The following PIEZO1 variants were observed in gnomAD, a reference collection of about 807,000 sequenced individuals.
PIEZO1 encodes piezo type mechanosensitive ion channel component 1 (Er blood group), also known as piezo-type mechanosensitive ion channel component 1.
PIEZO1 carries 296 observed loss-of-function variants against 297.2 expected under a neutral mutation model. The ratio of observed to expected loss-of-function variants is 1.00; its 90% confidence interval spans 0.91 to 1.10. The LOEUF (loss-of-function observed/expected upper bound fraction) is 1.10. Ranked by LOEUF, PIEZO1 falls within the 50% of genes least tolerant of loss-of-function variation. PIEZO1 has a pLI of 0.00. For missense variants in PIEZO1, 5,018 were observed against 3,455.5 expected (o/e 1.45, Z -11.34); for synonymous variants, 2,427 against 1,507.5 (o/e 1.61, Z -14.13).
chr16:88,736,131 T>G lies in PIEZO1; in HGVS notation c.1557+17A>C, dbSNP rs1233362512. 1.3e-6 allele frequency: 2 copies of G among 1,531,282 alleles called. No individual in the cohort carries two copies. The highest frequency in any genetic ancestry group is 2.4e-5 in the South Asian group (2 of 83,166). The allele number at this position is 1,531,282 out of a possible 1,614,324, so 94.9% of individuals were successfully genotyped here. On this transcript the variant is annotated intron_variant, in intron 12 of 50. Coordinates refer to ENST00000301015, the MANE Select transcript of PIEZO1 (RefSeq NM_001142864.4). The stretch of plus-strand genomic sequence containing the variant: ...CTGCGCACCCAGGCACCCCCGGATG[T>G]GGTGGTGCACACTCACCATGGCACC...
At position 88,717,257 on chromosome 16, in the gene PIEZO1, G is replaced by C. The variant is rs8061820; in HGVS notation, c.6472-46C>G. ...TCATACGCTCAGCTCTGCCCTTCCT[G>C]CGGGTCACACAACCGCATTCTCCAG... On this transcript the variant is annotated intron_variant, in intron 44 of 50. Transcript: ENST00000301015. The C allele has an allele frequency of 6.0e-6, 9 of 1,509,338 alleles. No homozygotes were observed. The African/African-American group carries it at 9.7e-5, about 16-fold the overall frequency. 93.5% of individuals were successfully genotyped at this position (1,509,338 alleles called of 1,614,324 possible).
intron 22 of PIEZO1, among the ~76,000 whole-genome samples, chr16:88,729,834 C>T (rs1467176020): frequency 1.3e-5 from 2 of 150,986 alleles, no homozygotes; most frequent in Non-Finnish European, 2.9e-5. Flanking sequence ...GACCCAAAAA[C>T]AAAGTGACCC....
intron 16 of PIEZO1, 54 bp from the exon 17 acceptor site, chr16:88,734,108 C>T: frequency 6.8e-7 from 1 of 1,468,488 alleles, no homozygotes; most frequent in Non-Finnish European, 9.1e-7. Context: ...CCCCTCATTT[C>T]CTGGGGCTGG....
At chr16:88,763,078 G>C (rs1213050592) in intron 1 of PIEZO1, among the ~76,000 whole-genome samples, 1 of 152,240 alleles carries the variant, frequency 6.6e-6, no homozygotes, top group Non-Finnish European at 1.5e-5. Context: ...ACAGGGTGCA[G>C]GTCCAGGGGT....
chr16:88,730,702 C>G (rs56158123), intron 22 of PIEZO1, among the ~76,000 whole-genome samples: 42,767 of 151,790 alleles, frequency 0.28, 7,223 homozygotes, highest in African/African-American at 0.47. Flanking sequence ...AAAGTGCTGG[C>G]ATCACAGGCG....
chr16:88,742,437 G>A lies in PIEZO1; in HGVS notation c.161-15C>T, dbSNP rs749474558. 1.3e-6 allele frequency: 2 copies of A among 1,533,974 alleles called. No homozygotes were observed. Among genetic ancestry groups the A allele is most frequent in the Admixed American group, 3.9e-5 (2 of 50,834 alleles). ...GCCTGTGTGACCTGCGGCAGAGCGAGTGGGTGAGGCTGGTCCCGGGGACGG... is the reference window on the plus strand; with the variant it reads ...GCCTGTGTGACCTGCGGCAGAGCGAATGGGTGAGGCTGGTCCCGGGGACGG... On this transcript the variant is annotated splice_polypyrimidine_tract_variant and intron_variant, in intron 2 of 50. Transcript: ENST00000301015.
chr16:88,723,073 C>A (rs1555553254), intron 33 of PIEZO1, 22 bp downstream of exon 33: 1 of 1,546,318 alleles, frequency 6.5e-7, no homozygotes, highest in South Asian at 1.2e-5. Flanking sequence ...ACCTCCCACT[C>A]CCCAGCCCCG....
rs192248220 is a variant in PIEZO1 at position 88,734,673 on chromosome 16, G to T, written c.1974C>A (p.Asn658Lys). 13 of 1,550,310 alleles carry T rather than the reference G, an allele frequency of 8.4e-6. No homozygotes were observed. The Admixed American group carries it at 2.5e-4, about 30-fold the overall frequency. ...ACTGCTCGTCGGTGAAGCCAGTGAGGTTGCGCCAGTAGGCAGGGAAGTCCT... is the reference window on the plus strand; with the variant it reads ...ACTGCTCGTCGGTGAAGCCAGTGAGTTTGCGCCAGTAGGCAGGGAAGTCCT... ...QFQDFPAYWR[N>K]LTGFTDEQLG... is the part of the protein sequence containing the mutation. Residue 658 changes from asparagine to lysine, a missense_variant, in exon 15 of 51, where the codon AAC becomes AAA. Coordinates refer to ENST00000301015, the MANE Select transcript of PIEZO1 (RefSeq NM_001142864.4).
In PIEZO1 at chr16:88,724,974, G is replaced by A. The variant is rs78683248; in HGVS notation, c.4234+35C>T. ...GGACAGATGGGGGCACAGAGGGCCTGAGAGGGTGGCCACAGGCGGCCTAAT... is the reference window on the plus strand; with the variant it reads ...GGACAGATGGGGGCACAGAGGGCCTAAGAGGGTGGCCACAGGCGGCCTAAT... On this transcript the variant is annotated intron_variant, in intron 30 of 50. Transcript: ENST00000301015. The A allele has an allele frequency of 1.6e-4, 215 of 1,357,596 alleles. 1 individual carries two copies. In the East Asian group the frequency reaches 3.1e-3, roughly 20 times the overall value. The allele number at this position is 1,357,596 out of a possible 1,614,324, so 84.1% of individuals were successfully genotyped here. A position where few individuals can be genotyped will look rare whatever the true frequency, so the allele number is the denominator to read the frequency against.
At chr16:88,732,909 G>C (rs569522625) in intron 19 of PIEZO1, 177 bp from the exon 20 acceptor site, 2 of 637,000 alleles carry the variant, frequency 3.1e-6, no homozygotes, top group Non-Finnish European at 5.4e-6. Context: ...TTGAGAAACA[G>C]GGAGACCACG....
Position 88,719,716 on chromosome 16 carries a change from C to A in PIEZO1, c.6329G>T (p.Arg2110Leu). ...CAGCTCCACCAGGAACGGCACCAGCCGGAACCTGCCCACAGCCAGGGTTCC... is the reference window on the plus strand; with the variant it reads ...CAGCTCCACCAGGAACGGCACCAGCAGGAACCTGCCCACAGCCAGGGTTCC... ...HLNLFLFQGF[R>L]LVPFLVELRA... Residue 2110 changes from arginine (R) to leucine (L), a missense_variant, in exon 44 of 51, where the codon CGG becomes CTG. Arg to Leu is a moderately radical substitution (Grantham distance 102, BLOSUM62 -2). Coordinates refer to ENST00000301015, the MANE Select transcript of PIEZO1 (RefSeq NM_001142864.4). 1 of 1,551,134 alleles carries A rather than the reference C, an allele frequency of 6.4e-7. No individual in the cohort carries two copies. The highest frequency in any genetic ancestry group is 2.0e-5 in the Admixed American group (1 of 51,102).
At chr16:88,724,680 G>A (rs1904316217) in intron 30 of PIEZO1, among the ~76,000 whole-genome samples, 1 of 152,180 alleles carries the variant, frequency 6.6e-6, no homozygotes, top group South Asian at 2.1e-4. Context: ...CAGTGACAGA[G>A]CGAGACTCCA....
chr16:88,727,690 G>A, intron 22 of PIEZO1, 29 bp from the exon 23 acceptor site: 2 of 1,208,520 alleles, frequency 1.7e-6, no homozygotes, highest in Non-Finnish European at 2.3e-6. Context: ...TGTCAGGAAG[G>A]GCCGGGCCTG....
chr16:88,743,160 C>G (rs1222597391), intron 2 of PIEZO1: 1 of 455,784 alleles, frequency 2.2e-6, no homozygotes. Context: ...ACTCAGCCCC[C>G]CAGCAGGGAG....
At chr16:88,722,095 G>A (rs747295957) in intron 36 of PIEZO1, 29 bp from the exon 37 acceptor site, 5 of 1,536,254 alleles carry the variant, frequency 3.3e-6, no homozygotes, top group South Asian at 2.4e-5. Context: ...GTTTGGGGGA[G>A]TCTGGGACTG....
rs778925674 is a variant in PIEZO1 at position 88,717,037 on chromosome 16, G to C, written c.6646C>G (p.Leu2216Val). The change falls in exon 45 of 51, where the codon CTG (leucine) becomes GTG (valine). Residue 2216 changes from leucine (L) to valine (V), a missense_variant. Transcript: ENST00000301015. Reference sequence around the variant, plus strand: ...CACATGCTCACCTCATAGCCGCCCAGCTTCAGGGTGACGGTGACATCGATG... The same window carrying C: ...CACATGCTCACCTCATAGCCGCCCACCTTCAGGGTGACGGTGACATCGATG... ...QPIDVTVTLKLGGYEPLFTMS... is the reference protein window; with the variant it reads ...QPIDVTVTLKVGGYEPLFTMS... 16 of 1,550,576 alleles carry C rather than the reference G, an allele frequency of 1.0e-5. No individual in the cohort carries two copies. In the East Asian group the frequency reaches 2.0e-4, roughly 19 times the overall value.
intron 12 of PIEZO1, among the ~76,000 whole-genome samples, chr16:88,735,873 A>G (rs1304665536): frequency 1.3e-4 from 20 of 152,022 alleles, no homozygotes; most frequent in Non-Finnish European, 1.8e-4. Context: ...GTGTCGGGGC[A>G]CAGGGGTGGT....
In PIEZO1 at chr16:88,721,841, C is replaced by T. The variant is rs756723126; in HGVS notation, c.5181G>A (p.Lys1727=). 88 of 1,548,904 alleles carry T rather than the reference C, an allele frequency of 5.7e-5. No homozygotes were observed. The highest frequency in any genetic ancestry group is 7.6e-5 in the Non-Finnish European group (87 of 1,146,674). ...AGACGATGGCCGTCATCCAGAAGCG[C>T]TTGCTGGGCCTCGGGATCGACAGCA... ...WAMLSIPRPS[K]RFWMTAIVFT... is the part of the protein sequence containing the mutation. The change falls in exon 37 of 51, where the codon AAG becomes AAA. Residue 1727 remains lysine (K), a synonymous_variant. Coordinates refer to ENST00000301015, the MANE Select transcript of PIEZO1 (RefSeq NM_001142864.4).
chr16:88,726,478 G>A, intron 26 of PIEZO1, 23 bp from the exon 27 acceptor site: 4 of 1,548,488 alleles, frequency 2.6e-6, no homozygotes, highest in Non-Finnish European at 3.5e-6. Flanking sequence ...CACCGGCAAG[G>A]GTCAGGCCCA....
Sources: allele counts gnomAD v4.1 joint callset (sites outside exome capture counted in the v4.1 genomes callset), GRCh38; gene constraint gnomAD v4.1.1; transcripts MANE v1.5; gene names NCBI Gene and HGNC (gene_info 2026-07-23, HGNC 2026-07-21).